The following CSMD1 variants were observed in gnomAD, a reference collection of about 807,000 sequenced individuals.
CSMD1 encodes CUB and Sushi multiple domains 1, also known as CUB and sushi domain-containing protein 1.
A neutral mutation model predicts 417.5 loss-of-function variants in CSMD1; 213 were observed. That is an observed-to-expected ratio of 0.51 (90% CI 0.46 to 0.57). The LOEUF is 0.57. Ranked by LOEUF, CSMD1 falls within the 20% of genes least tolerant of loss-of-function variation. The probability of loss-of-function intolerance (pLI) is 0.00; values close to 1 mark genes in which losing one functional copy is unlikely to be tolerated. For missense variants in CSMD1, 6,923 were observed against 4,529.7 expected (o/e 1.53, Z -15.17); for synonymous variants, 2,862 against 1,736.8 (o/e 1.65, Z -16.11).
chr8:2,947,099 C>A (rs779006017), intron 68 of CSMD1, among the ~76,000 whole-genome samples: 5 of 152,104 alleles, frequency 3.3e-5, no homozygotes, highest in Admixed American at 6.6e-5. Context: ...CATAAGAGTT[C>A]TTCGTACATT....
intron 1 of CSMD1, among the ~76,000 whole-genome samples, chr8:4,834,014 C>A (rs576673657): frequency 7.9e-5 from 12 of 152,076 alleles, no homozygotes; most frequent in African/African-American, 2.7e-4. Flanking sequence ...AAAATAGACC[C>A]GGGATGCAAT....
intron 7 of CSMD1, among the ~76,000 whole-genome samples, chr8:3,705,783 T>A (rs1801133798): frequency 6.6e-6 from 1 of 152,100 alleles, no homozygotes; most frequent in African/African-American, 2.4e-5. Flanking sequence ...AACTGTGGTC[T>A]CCCAGAGGAA....
intron 1 of CSMD1, among the ~76,000 whole-genome samples, chr8:4,722,902 T>G (rs1427878870): frequency 6.6e-6 from 1 of 152,200 alleles, no homozygotes; most frequent in Non-Finnish European, 1.5e-5. Flanking sequence ...ACAAAGATCT[T>G]ACTGCTATTT....
chr8:4,149,786 G>A (rs142495736), intron 3 of CSMD1, among the ~76,000 whole-genome samples: 1 of 152,182 alleles, frequency 6.6e-6, no homozygotes, highest in Non-Finnish European at 1.5e-5. Context: ...AGTTGCTTCA[G>A]GGAAGGTCAC....
rs938478327 is a variant in CSMD1, at chr8:3,157,913, C to G, written c.5898G>C (p.Pro1966=). The stretch of plus-strand genomic sequence containing the variant: ...CATCCTTACCAATGCACAGGGGAGA[C>G]GGATAGTTCCAACGGCGAACGGTCC... ...MPGTVRRWNY[P]SPLCIATCGG... is the part of the protein sequence containing the mutation. Residue 1966 remains proline, a synonymous_variant, in exon 39 of 70, where the codon CCG becomes CCC. Coordinates refer to ENST00000635120, the MANE Select transcript of CSMD1 (RefSeq NM_033225.6). 1 of 1,554,344 alleles carries G rather than the reference C, an allele frequency of 6.4e-7. No individual in the cohort carries two copies. The highest frequency in any genetic ancestry group is 1.2e-5 in the South Asian group (1 of 84,106).
chr8:3,074,541 A>C lies in CSMD1; in HGVS notation c.7474+12556T>G, dbSNP rs141729849. On this transcript the variant is annotated intron_variant, in intron 49 of 69. Transcript: ENST00000635120. ...AGCAGCCTATTTGGATTACCCGAAG[A>C]TCAGTTTGACAAGATAACCCAATAT... Among the ~76,000 whole-genome samples, 1,121 of 152,344 alleles carry C rather than the reference A, an allele frequency of 7.4e-3. 15 individuals carry two copies. Among genetic ancestry groups the C allele is most frequent in the African/African-American group, 0.025 (1,050 of 41,584 alleles).
intron 12 of CSMD1, among the ~76,000 whole-genome samples, chr8:3,427,315 C>A (rs976678960): frequency 1.3e-5 from 2 of 152,158 alleles, no homozygotes; most frequent in Admixed American, 6.5e-5. Context: ...GAAGTGCAAA[C>A]TGAAGTCCTG....
intron 1 of CSMD1, among the ~76,000 whole-genome samples, chr8:4,891,759 C>G (rs1281131991): frequency 2.6e-5 from 4 of 152,034 alleles, no homozygotes. Flanking sequence ...CCAAAACTCC[C>G]TAGTTATTTC....
chr8:4,016,184 T>C (rs1447329278), intron 4 of CSMD1, among the ~76,000 whole-genome samples: 2 of 152,162 alleles, frequency 1.3e-5, no homozygotes, highest in Non-Finnish European at 2.9e-5. Flanking sequence ...AACGTAACAC[T>C]TGCCAGAGAG....
At chr8:3,436,128 T>C (rs1814545222) in intron 12 of CSMD1, among the ~76,000 whole-genome samples, 1 of 152,032 alleles carries the variant, frequency 6.6e-6, no homozygotes, top group African/African-American at 2.4e-5. Context: ...CTCTGACCAT[T>C]CCCCTACATT....
At chr8:3,783,212 T>G (rs961787699) in intron 5 of CSMD1, among the ~76,000 whole-genome samples, 2 of 152,236 alleles carry the variant, frequency 1.3e-5, no homozygotes, top group African/African-American at 2.4e-5. Flanking sequence ...TTCTTGTTCC[T>G]GGATAGCAGT....
intron 1 of CSMD1, 109 bp downstream of exon 1, chr8:4,994,223 C>T: frequency 1.1e-6 from 1 of 917,690 alleles, no homozygotes; most frequent in Non-Finnish European, 1.7e-6. Flanking sequence ...CAGCGCCGGG[C>T]AGAGGCGGCC....
rs187428632 is a variant in CSMD1, at chr8:4,648,025, C to T, written c.86-10467G>A. On this transcript the variant is annotated intron_variant, in intron 1 of 69. Transcript: ENST00000635120. ...CTCAGTTGTTGAACTAATTTCCATT[C>T]CCACCAACAGTGGAAAAGTGTTTCT... Among the ~76,000 whole-genome samples the T allele has an allele frequency of 5.5e-3, 834 of 152,312 alleles. 10 individuals are homozygous for T. Among genetic ancestry groups the T allele is most frequent in the African/African-American group, 0.018 (744 of 41,568 alleles).
chr8:3,933,553 T>C lies in CSMD1; in HGVS notation c.818+64350A>G, dbSNP rs140275662. 2.3e-4 allele frequency among the ~76,000 whole-genome samples: 35 copies of C among 152,238 alleles called. No individual in the cohort carries two copies. In the East Asian group the frequency reaches 5.4e-3, roughly 24 times the overall value. The stretch of plus-strand genomic sequence containing the variant: ...TTTGAGAAGAAAGAGATGAGAGTCC[T>C]GGCAAAACAGGATACATTGAGAAAA... On this transcript the variant is annotated intron_variant, in intron 5 of 69. Coordinates refer to ENST00000635120, the MANE Select transcript of CSMD1 (RefSeq NM_033225.6).
chr8:3,018,922 T>C (rs1004529881), intron 51 of CSMD1, among the ~76,000 whole-genome samples: 12 of 152,086 alleles, frequency 7.9e-5, no homozygotes, highest in Non-Finnish European at 1.2e-4. Context: ...CCATTAACTT[T>C]TGTTGTTGTT....
chr8:2,973,310 C>T lies in CSMD1; in HGVS notation c.8741-11G>A, dbSNP rs2128933639. On this transcript the variant is annotated splice_polypyrimidine_tract_variant and intron_variant, in intron 56 of 69. Coordinates refer to ENST00000635120, the MANE Select transcript of CSMD1 (RefSeq NM_033225.6). ...ATCCAGGATTATTTCCTATTGAAAA[C>T]AAACACATACGGCAATCCACAATTG... 1 of 1,612,620 alleles carries T rather than the reference C, an allele frequency of 6.2e-7. No individual in the cohort carries two copies. The highest frequency in any genetic ancestry group is 1.1e-5 in the South Asian group (1 of 90,936).
rs544413675 is a variant in CSMD1 at position 3,297,400 on chromosome 8, A to G, written c.3950+10295T>C. ...ATATGAAGAAGAACAAAGCTAGATTATGATACTGGGTATCAAGATGTATTA... is the reference window on the plus strand; with the variant it reads ...ATATGAAGAAGAACAAAGCTAGATTGTGATACTGGGTATCAAGATGTATTA... On this transcript the variant is annotated intron_variant, in intron 25 of 69. Transcript: ENST00000635120. 9.8e-5 allele frequency among the ~76,000 whole-genome samples: 15 copies of G among 152,336 alleles called. No homozygotes were observed. The South Asian group carries it at 3.1e-3, about 32-fold the overall frequency.
At chr8:3,841,854 T>A (rs899056175) in intron 5 of CSMD1, among the ~76,000 whole-genome samples, 3 of 151,996 alleles carry the variant, frequency 2.0e-5, no homozygotes, top group Non-Finnish European at 4.4e-5. Flanking sequence ...TAGCAGCTCC[T>A]CAAGGGTCCT....
chr8:4,131,721 G>A (rs1177026294), intron 3 of CSMD1, among the ~76,000 whole-genome samples: 1 of 141,566 alleles, frequency 7.1e-6, no homozygotes, highest in South Asian at 2.3e-4. Context: ...GAACAATGCA[G>A]TTGTTATCAA....
Sources: gnomAD v4.1 joint callset for allele counts (sites outside exome capture counted in the v4.1 genomes callset) on GRCh38, gnomAD v4.1.1 for gene constraint, MANE v1.5 for transcripts, NCBI Gene and HGNC (gene_info 2026-07-23, HGNC 2026-07-21) for gene names.